The following BTBD2 variants were observed in gnomAD, a reference collection of about 807,000 sequenced individuals.
BTBD2 encodes the protein BTB/POZ domain-containing protein 2.
BTBD2 carries 15 observed loss-of-function variants against 44.0 expected under a neutral mutation model. The observed-to-expected ratio is 0.34, with a 90% CI of 0.23 to 0.53. BTBD2 has a LOEUF of 0.53. Ranked by LOEUF, BTBD2 falls within the 20% of genes least tolerant of loss-of-function variation. The pLI, the probability that BTBD2 is intolerant of heterozygous loss-of-function variation, is 0.95. For missense variants in BTBD2, 657 were observed against 746.4 expected (o/e 0.88, Z 1.39); for synonymous variants, 443 against 335.9 (o/e 1.32, Z -3.49).
At chr19:2,013,231 C>G (rs1337822904) in intron 1 of BTBD2, among the ~76,000 whole-genome samples, 4 of 152,204 alleles carry the variant, frequency 2.6e-5, no homozygotes, top group Non-Finnish European at 5.9e-5. Flanking sequence ...GACCCTCCCC[C>G]TCCAGTGCCC....
intron 4 of BTBD2, chr19:1,990,415 A>C: frequency 1.6e-6 from 1 of 631,124 alleles, no homozygotes; most frequent in Non-Finnish European, 2.7e-6. Flanking sequence ...TTTTTAAGCC[A>C]CAAGGACAGA....
At position 1,986,878 on chromosome 19, in the gene BTBD2, C is replaced by T. The variant is rs946568000; in HGVS notation, c.1368G>A (p.Pro456=). 29 of 1,612,724 alleles carry T rather than the reference C, an allele frequency of 1.8e-5. No homozygotes were observed. The highest frequency in any genetic ancestry group is 1.6e-4 in the African/African-American group (12 of 74,930). ...ASTFRVMFKE[P]VEVLPNVNYT... ...AGTTGACGTTGGGCAGCACCTCCACCGGCTCCTTGAACATGACGCGGAAGG... is the reference window on the plus strand; with the variant it reads ...AGTTGACGTTGGGCAGCACCTCCACTGGCTCCTTGAACATGACGCGGAAGG... Residue 456 remains proline, a synonymous_variant, in exon 8 of 9, where the codon CCG becomes CCA. Transcript: ENST00000255608.
chr19:1,997,185 G>GA (rs929060736), intron 2 of BTBD2, among the ~76,000 whole-genome samples, 159 bp downstream of exon 2: 34 of 146,598 alleles, frequency 2.3e-4, no homozygotes, highest in African/African-American at 7.3e-4. Flanking sequence ...ATCTCAAAAA[G>GA]AAAAAAAAAA....
At chr19:2,009,614 C>T (rs1352700724) in intron 1 of BTBD2, among the ~76,000 whole-genome samples, 1 of 151,576 alleles carries the variant, frequency 6.6e-6, no homozygotes, top group South Asian at 2.1e-4. Context: ...TTTGGGAGGC[C>T]GAGGTGGGTG....
At chr19:1,987,768 TC>T in intron 5 of BTBD2, 76 bp from the exon 6 acceptor site, 2 of 1,384,026 alleles carry the variant, frequency 1.4e-6, no homozygotes, top group South Asian at 2.8e-5. Flanking sequence ...ACACGCTCCT[TC>T]CCCCTAAGAT....
Position 1,990,218 on chromosome 19 carries a change from G to A in BTBD2, c.791-17C>T, listed in dbSNP as rs1449697988. The A allele has an allele frequency of 6.3e-7, 1 of 1,576,974 alleles. No individual in the cohort carries two copies. The highest frequency in any genetic ancestry group is 1.1e-5 in the South Asian group (1 of 86,992). ...CCAGCGTGTCTGTGGGGTGGAGGAA[G>A]GGGCTGCGTGAACACGACACCCACA... On this transcript the variant is annotated splice_polypyrimidine_tract_variant and intron_variant, in intron 4 of 8. Coordinates refer to ENST00000255608, the MANE Select transcript of BTBD2 (RefSeq NM_017797.4).
intron 3 of BTBD2, 47 bp downstream of exon 3, chr19:1,992,973 T>G: frequency 1.4e-4 from 35 of 251,190 alleles, no homozygotes; most frequent in East Asian, 3.1e-4. Context: ...CGGCCCCGCC[T>G]CCAGCCAGGC....
At chr19:2,007,837 T>TAATAAA (rs1555687936) in intron 1 of BTBD2, among the ~76,000 whole-genome samples, 5 of 151,678 alleles carry the variant, frequency 3.3e-5, no homozygotes, top group African/African-American at 1.2e-4. Flanking sequence ...CAAAAAATAA[T>TAATAAA]AAAACAAAAC....
At chr19:1,993,476 C>T (rs2145626955) in intron 2 of BTBD2, among the ~76,000 whole-genome samples, 2 of 152,270 alleles carry the variant, frequency 1.3e-5, no homozygotes, top group Non-Finnish European at 2.9e-5. Flanking sequence ...CCCGGGATGC[C>T]CCAGGAGAGG....
intron 1 of BTBD2, 52 bp from the exon 2 acceptor site, chr19:1,997,515 G>A: frequency 1.2e-6 from 2 of 1,607,146 alleles, no homozygotes; most frequent in Middle Eastern, 1.7e-4. Context: ...CCACCCCACG[G>A]CCGGGAGGGC....
At chr19:2,011,077 G>C (rs2016458484) in intron 1 of BTBD2, among the ~76,000 whole-genome samples, 2 of 151,990 alleles carry the variant, frequency 1.3e-5, no homozygotes, top group Admixed American at 1.3e-4. Flanking sequence ...CAGAGCACTT[G>C]GGACACACTG....
chr19:2,007,851 G>T (rs1380023083), intron 1 of BTBD2, among the ~76,000 whole-genome samples: 2 of 144,906 alleles, frequency 1.4e-5, no homozygotes, highest in African/African-American at 5.2e-5. Context: ...ACAAAACACA[G>T]AATATAAGTT....
At chr19:2,015,026 A>T (rs2016514827) in intron 1 of BTBD2, among the ~76,000 whole-genome samples, 1 of 147,318 alleles carries the variant, frequency 6.8e-6, no homozygotes, top group Non-Finnish European at 1.5e-5. Flanking sequence ...CCCGGGGTGC[A>T]GGCCGGGTCG....
At chr19:1,998,384 C>T (rs567004281) in intron 1 of BTBD2, among the ~76,000 whole-genome samples, 2 of 152,202 alleles carry the variant, frequency 1.3e-5, no homozygotes, top group South Asian at 2.1e-4. Flanking sequence ...TGAGCCGCCA[C>T]GTCCATGGGG....
Position 1,990,091 on chromosome 19 carries a change from C to T in BTBD2, c.901G>A (p.Val301Met). Residue 301 changes from valine to methionine, a missense_variant, in exon 5 of 9, where the codon GTG becomes ATG. Coordinates refer to ENST00000255608, the MANE Select transcript of BTBD2 (RefSeq NM_017797.4). ...ACCTTCCGCCTGTTCTCTGGCGTCA[C>T]CTGCAGCTGCTGCCGCTGACACTCG... Reference protein sequence around the residue: ...EAECQRQQLQVTPENRRKVLG... With the variant: ...EAECQRQQLQMTPENRRKVLG... 1.5e-5 allele frequency: 25 copies of T among 1,613,016 alleles called. No individual in the cohort carries two copies. The highest frequency in any genetic ancestry group is 2.0e-5 in the Non-Finnish European group (24 of 1,179,996).
At chr19:1,990,434 G>A in intron 4 of BTBD2, 3 of 617,902 alleles carry the variant, frequency 4.9e-6, no homozygotes. Context: ...GACTTGAGTA[G>A]CTTTGACAAA....
chr19:1,990,842 GGGGGCGCGGT>G lies in BTBD2; in HGVS notation c.685-30_685-21del. On this transcript the variant is annotated intron_variant, in intron 3 of 8. Coordinates refer to ENST00000255608, the MANE Select transcript of BTBD2 (RefSeq NM_017797.4). ...TCGCGCCTGGCAAGAGACATCGACG[GGGGGCGCGGT>G]GGGGACATCAGCACCCAGCCCTCGG... 6.5e-7 allele frequency: 1 copy of G among 1,541,960 alleles called. No individual in the cohort carries two copies. Among genetic ancestry groups the G allele is most frequent in the Non-Finnish European group, 8.7e-7 (1 of 1,146,306 alleles).
At chr19:1,989,793 T>C (rs1337192520) in intron 5 of BTBD2, 3 of 601,144 alleles carry the variant, frequency 5.0e-6, no homozygotes, top group Non-Finnish European at 8.8e-6. Context: ...AGGCGGGGTC[T>C]GGCAGTGTGC....
intron 5 of BTBD2, 107 bp downstream of exon 5, chr19:1,989,897 C>A (rs2016148388): frequency 1.5e-6 from 2 of 1,293,452 alleles, no homozygotes; most frequent in South Asian, 2.6e-5. Flanking sequence ...TGCCAGGCAT[C>A]TGCCAGGCTT....
Sources: allele counts gnomAD v4.1 joint callset (sites outside exome capture counted in the v4.1 genomes callset), GRCh38; gene constraint gnomAD v4.1.1; transcripts MANE v1.5; gene names NCBI Gene and HGNC (gene_info 2026-07-23, HGNC 2026-07-21).